Variants in HDAC1 observed in about 807,000 individuals in gnomAD.
HDAC1 encodes histone deacetylase 1.
HDAC1 carries 18 observed loss-of-function variants against 65.5 expected under a neutral mutation model. The ratio of observed to expected loss-of-function variants is 0.27; its 90% CI spans 0.19 to 0.41. The LOEUF is 0.41. HDAC1 is among the 10% of genes least tolerant of loss of function. HDAC1 has a pLI of 1.00. For missense variants in HDAC1, 373 were observed against 625.2 expected (o/e 0.60, Z 4.30); for synonymous variants, 211 against 227.9 (o/e 0.93, Z 0.67).
Position 32,333,088 on chromosome 1 carries a change from T to A in HDAC1, c.*44T>A, listed in dbSNP as rs1301441022. On this transcript the variant is annotated 3_prime_UTR_variant, in exon 14 of 14. Transcript: ENST00000373548. ...GGCTTCCTGCTGAGTCCCTCACGTTTCTTCCCCAACCCCTCAGATTTTATA... is the reference window on the plus strand; with the variant it reads ...GGCTTCCTGCTGAGTCCCTCACGTTACTTCCCCAACCCCTCAGATTTTATA... 6.5e-7 allele frequency: 1 copy of A among 1,537,364 alleles called. No homozygotes were observed. Among genetic ancestry groups the A allele is most frequent in the Non-Finnish European group, 9.0e-7 (1 of 1,112,094 alleles).
At position 32,316,791 on chromosome 1, in the gene HDAC1, A is replaced by C; in HGVS notation, c.280+9A>C. 1.5e-5 allele frequency: 24 copies of C among 1,550,676 alleles called. No homozygotes were observed. Among genetic ancestry groups the C allele is most frequent in the Non-Finnish European group, 2.1e-5 (24 of 1,122,270 alleles). ...CAAGCAGATGCAGAGATGTAAGTCC[A>C]TTCTGTTCCCTCACACTCTGAAGCC... On this transcript the variant is annotated intron_variant, in intron 3 of 13. Transcript: ENST00000373548.
chr1:32,323,687 T>C (rs529713450), intron 3 of HDAC1, among the ~76,000 whole-genome samples: 1 of 152,250 alleles, frequency 6.6e-6, no homozygotes, highest in South Asian at 2.1e-4. Context: ...TGTGAGCCAC[T>C]GTGCCAGGCC....
intron 1 of HDAC1, among the ~76,000 whole-genome samples, chr1:32,296,364 A>C (rs546561724): frequency 6.6e-6 from 1 of 152,228 alleles, no homozygotes; most frequent in Admixed American, 6.6e-5. Flanking sequence ...AGGAGACATC[A>C]GGTTGAACCC....
At chr1:32,298,897 C>G (rs1459799467) in intron 1 of HDAC1, among the ~76,000 whole-genome samples, 1 of 152,086 alleles carries the variant, frequency 6.6e-6, no homozygotes, top group Non-Finnish European at 1.5e-5. Flanking sequence ...ACTCAGGAGG[C>G]TGAGGCAGGA....
rs536414963 is a variant in HDAC1, at chr1:32,318,553, A to AC, written c.280+1773dup. Among the ~76,000 whole-genome samples the AC allele has an allele frequency of 1.0e-3, 148 of 147,894 alleles. 1 individual carries two copies. Among genetic ancestry groups the AC allele is most frequent in the African/African-American group, 3.8e-3 (144 of 37,572 alleles). On this transcript the variant is annotated intron_variant, in intron 3 of 13. Coordinates refer to ENST00000373548, the MANE Select transcript of HDAC1 (RefSeq NM_004964.3). Reference sequence around the variant, plus strand: ...ACTCCAGCCTGGGCAACAGAGCGAGACCAAAAAAAAAAAGACATTAGTGCC... The same window carrying AC: ...ACTCCAGCCTGGGCAACAGAGCGAGACCCAAAAAAAAAAAGACATTAGTGCC...
chr1:32,310,707 G>A (rs185764854), intron 2 of HDAC1, among the ~76,000 whole-genome samples: 5 of 151,936 alleles, frequency 3.3e-5, no homozygotes, highest in East Asian at 1.9e-4. Context: ...AAAATTAGCC[G>A]GGAGTGGTGG....
chr1:32,332,056 T>G, intron 11 of HDAC1, 34 bp from the exon 12 acceptor site: 1 of 1,540,614 alleles, frequency 6.5e-7, no homozygotes, highest in Non-Finnish European at 8.7e-7. Context: ...AGCACCCGCC[T>G]GCCCTCTCAC....
chr1:32,312,874 C>T (rs938145734), intron 2 of HDAC1, among the ~76,000 whole-genome samples: 1 of 151,892 alleles, frequency 6.6e-6, no homozygotes, highest in Non-Finnish European at 1.5e-5. Context: ...TGGGATTTCG[C>T]CATGTTGGCC....
chr1:32,292,257 G>A, intron 1 of HDAC1, 39 bp downstream of exon 1: 5 of 1,546,434 alleles, frequency 3.2e-6, no homozygotes, highest in Non-Finnish European at 4.4e-6. Flanking sequence ...GGCCAGGCCG[G>A]GCCGGACCGG....
chr1:32,306,186 C>T (rs1461402154), intron 2 of HDAC1, among the ~76,000 whole-genome samples: 7 of 147,458 alleles, frequency 4.7e-5, no homozygotes, highest in African/African-American at 1.8e-4. Flanking sequence ...TTTTCTTTTT[C>T]TTTTTCTTTT....
Position 32,331,043 on chromosome 1 carries a change from C to T in HDAC1, c.979+135C>T. 2 of 765,600 alleles carry T rather than the reference C, an allele frequency of 2.6e-6. No homozygotes were observed. Among genetic ancestry groups the T allele is most frequent in the South Asian group, 1.7e-5 (1 of 59,134 alleles). 47.4% of individuals were successfully genotyped at this position (765,600 alleles called of 1,614,324 possible). On this transcript the variant is annotated intron_variant, in intron 9 of 13. Coordinates refer to ENST00000373548, the MANE Select transcript of HDAC1 (RefSeq NM_004964.3). This position sits in a 1 kb window ranked among gnomAD's most constrained non-coding sequence, Gnocchi z 4.2. ...ACTAGTCACTGAGTCTCCTGCCTGT[C>T]CTCTTGTGATCAGCAGACCATAACC...
chr1:32,325,087 T>TACAG lies in HDAC1; in HGVS notation c.355+535_355+538dup, dbSNP rs1222572461. ...TCCTTTCCTACTAAGAGATCTTATGTACAGGCGTTCCCCGCAGACCTCCTG... is the reference window on the plus strand; with the variant it reads ...TCCTTTCCTACTAAGAGATCTTATGTACAGACAGGCGTTCCCCGCAGACCTCCTG... On this transcript the variant is annotated intron_variant, in intron 4 of 13. Coordinates refer to ENST00000373548, the MANE Select transcript of HDAC1 (RefSeq NM_004964.3). 6.6e-5 allele frequency among the ~76,000 whole-genome samples: 10 copies of TACAG among 152,332 alleles called. No homozygotes were observed. In the East Asian group the frequency reaches 1.5e-3, roughly 23 times the overall value.
At chr1:32,305,088 T>G (rs1021205503) in intron 2 of HDAC1, among the ~76,000 whole-genome samples, 6 of 152,190 alleles carry the variant, frequency 3.9e-5, no homozygotes, top group Admixed American at 2.0e-4. Flanking sequence ...GTTTTACATG[T>G]TTGATTGTTA....
At chr1:32,323,126 C>A (rs1005748804) in intron 3 of HDAC1, among the ~76,000 whole-genome samples, 7 of 152,050 alleles carry the variant, frequency 4.6e-5, no homozygotes, top group African/African-American at 1.7e-4. Flanking sequence ...CATGGTGAAA[C>A]CCCGTCTCTA....
intron 1 of HDAC1, among the ~76,000 whole-genome samples, chr1:32,302,176 G>A (rs1015008168): frequency 6.6e-6 from 1 of 152,174 alleles, no homozygotes; most frequent in African/African-American, 2.4e-5. Context: ...GTTACTGTGA[G>A]GATCCAGTAA....
At chr1:32,308,057 C>T (rs1047463747) in intron 2 of HDAC1, among the ~76,000 whole-genome samples, 8 of 152,230 alleles carry the variant, frequency 5.3e-5, no homozygotes, top group Non-Finnish European at 8.8e-5. Flanking sequence ...CAGTGGCTCA[C>T]GCCTGTAATC....
intron 2 of HDAC1, 46 bp from the exon 3 acceptor site, chr1:32,316,619 G>T (rs777033321): frequency 9.9e-7 from 1 of 1,014,374 alleles, no homozygotes; most frequent in Non-Finnish European, 1.6e-6. Context: ...TGACTGGACT[G>T]GCCGTGGTCA....
At chr1:32,318,887 G>A (rs1384328393) in intron 3 of HDAC1, among the ~76,000 whole-genome samples, 1 of 152,148 alleles carries the variant, frequency 6.6e-6, no homozygotes, top group East Asian at 1.9e-4. Flanking sequence ...GGGAGGCTGA[G>A]GCAAGCAGAT....
chr1:32,331,412 G>T lies in HDAC1; in HGVS notation c.980-62G>T, dbSNP rs1034496179. 3.5e-5 allele frequency: 33 copies of T among 932,174 alleles called. No homozygotes were observed. The highest frequency in any genetic ancestry group is 5.7e-5 in the Non-Finnish European group (32 of 562,268). The allele number at this position is 932,174 out of a possible 1,614,324, so 57.7% of individuals were successfully genotyped here. ...CCTACAAATGCTTTAGGGTGCTTAC[G>T]TGCAAATGGTTAGGGTGCGGTGGCC... On this transcript the variant is annotated intron_variant, in intron 9 of 13. Transcript: ENST00000373548. The surrounding 1 kb of genome is among the most constrained non-coding windows in gnomAD (Gnocchi z 4.2).
Sources: gnomAD v4.1 joint callset for allele counts (sites outside exome capture counted in the v4.1 genomes callset) on GRCh38, gnomAD v4.1.1 for gene constraint, Gnocchi (gnomAD v3.1) non-coding constraint, MANE v1.5 for transcripts, NCBI Gene and HGNC (gene_info 2026-07-23, HGNC 2026-07-21) for gene names.